The following TANC2 variants were observed in gnomAD, a reference collection of about 807,000 sequenced individuals.
TANC2 encodes the protein tetratricopeptide repeat, ankyrin repeat and coiled-coil containing 2.
In TANC2, 26 loss-of-function variants were observed where a neutral mutation model predicts 210.5. That is an observed-to-expected ratio of 0.12 (90% CI 0.09 to 0.17). TANC2 has a LOEUF of 0.17. Among genes scored for constraint, TANC2 ranks in the 10% least tolerant of loss-of-function variants. The probability of loss-of-function intolerance (pLI) is 1.00; values close to 1 mark genes in which losing one functional copy is unlikely to be tolerated. For synonymous variants in TANC2, 931 were observed against 967.1 expected (o/e 0.96, Z 0.69); for missense variants, 2,129 against 2,608.9 (o/e 0.82, Z 4.01).
rs1470672236 is a variant in TANC2, at chr17:63,337,334, AT to A, written c.1576-2761del. Among the ~76,000 whole-genome samples, 11 of 152,212 alleles carry A rather than the reference AT, an allele frequency of 7.2e-5. No homozygotes were observed. The South Asian group carries it at 2.3e-3, about 32-fold the overall frequency. Reference sequence around the variant, plus strand: ...TGCCTCATACCTTTGTGGATATCATATTTTTTACTATAATTCTAAGTAGTTA... The same window carrying A: ...TGCCTCATACCTTTGTGGATATCATATTTTTACTATAATTCTAAGTAGTTA... On this transcript the variant is annotated intron_variant, in intron 11 of 27. Coordinates refer to ENST00000689528, the Ensembl canonical transcript of TANC2.
intron 17 of TANC2, among the ~76,000 whole-genome samples, chr17:63,392,630 G>A (rs1484735328): frequency 1.3e-5 from 2 of 152,096 alleles, no homozygotes; most frequent in Non-Finnish European, 2.9e-5. Context: ...CTTAGCTTTT[G>A]TAGAGCTTTT....
rs997273973 is a variant in TANC2 at position 63,244,346 on chromosome 17, A to G, written c.1033+6269A>G. On this transcript the variant is annotated intron_variant, in intron 8 of 27. Coordinates refer to ENST00000689528, the Ensembl canonical transcript of TANC2. ...GCTTTGTCTTCAGGATTGTACTGGT[A>G]AAGCCATGTTTCATCCCATTACCAT... 2.6e-5 allele frequency among the ~76,000 whole-genome samples: 4 copies of G among 152,270 alleles called. No homozygotes were observed. In the South Asian group the frequency reaches 8.3e-4, roughly 32 times the overall value.
intron 11 of TANC2, among the ~76,000 whole-genome samples, chr17:63,321,304 A>T (rs2045486011): frequency 6.6e-6 from 1 of 151,848 alleles, no homozygotes; most frequent in Non-Finnish European, 1.5e-5. Flanking sequence ...CCTTTGAGAG[A>T]TTTCTTCAAC....
chr17:62,968,157 C>T (rs1438326632), intron 1 of TANC2, among the ~76,000 whole-genome samples: 1 of 152,150 alleles, frequency 6.6e-6, no homozygotes, highest in Admixed American at 6.5e-5. Context: ...TAACAAAAGA[C>T]AACTCCATGA....
intron 5 of TANC2, among the ~76,000 whole-genome samples, chr17:63,179,678 A>G (rs73323730): frequency 0.025 from 3,763 of 152,116 alleles, 156 homozygotes; most frequent in African/African-American, 0.085. Flanking sequence ...TGAACCTACA[A>G]ATTGTTCCCT....
At chr17:63,326,233 A>T (rs926937801) in intron 11 of TANC2, among the ~76,000 whole-genome samples, 2 of 152,212 alleles carry the variant, frequency 1.3e-5, no homozygotes, top group African/African-American at 4.8e-5. Context: ...ACCCAAGGAC[A>T]TGTGGACACT....
chr17:63,363,310 G>C (rs1297804243), intron 14 of TANC2, among the ~76,000 whole-genome samples: 2 of 152,098 alleles, frequency 1.3e-5, no homozygotes. Context: ...TCTATGGGTT[G>C]TCTCTTCACT....
intron 14 of TANC2, among the ~76,000 whole-genome samples, chr17:63,361,201 C>A (rs2046947826): frequency 6.6e-6 from 1 of 152,140 alleles, no homozygotes. Context: ...GTCACAGGAT[C>A]TTTGGGGTGT....
intron 2 of TANC2, among the ~76,000 whole-genome samples, chr17:63,039,153 A>G (rs2035086782): frequency 6.6e-6 from 1 of 152,142 alleles, no homozygotes; most frequent in African/African-American, 2.4e-5. Context: ...TTCATAAGCT[A>G]TTTATGTGAG....
intron 1 of TANC2, among the ~76,000 whole-genome samples, chr17:63,001,345 A>G (rs1052885530): frequency 2.0e-5 from 3 of 151,960 alleles, no homozygotes; most frequent in Non-Finnish European, 4.4e-5. Flanking sequence ...ATTTAAAATC[A>G]TTTCTCGCTC....
chr17:63,405,821 A>G (rs946480572), intron 20 of TANC2, among the ~76,000 whole-genome samples: 6 of 152,266 alleles, frequency 3.9e-5, no homozygotes, highest in African/African-American at 1.4e-4. Context: ...AACTACAGGC[A>G]GATTTGCAAC....
intron 13 of TANC2, among the ~76,000 whole-genome samples, chr17:63,353,573 G>T (rs934958569): frequency 6.6e-6 from 1 of 152,050 alleles, no homozygotes; most frequent in Admixed American, 6.6e-5. Flanking sequence ...GCCACATATA[G>T]ATAATATTTA....
intron 9 of TANC2, among the ~76,000 whole-genome samples, chr17:63,311,387 A>G (rs115629982): frequency 7.5e-4 from 115 of 152,340 alleles, no homozygotes; most frequent in Middle Eastern, 3.4e-3. Flanking sequence ...AACAGTATAT[A>G]TAGTATGATC....
chr17:63,221,559 G>T (rs1471439222), intron 7 of TANC2, among the ~76,000 whole-genome samples: 1 of 151,938 alleles, frequency 6.6e-6, no homozygotes, highest in Non-Finnish European at 1.5e-5. Context: ...AATCCTCACA[G>T]CTTAATATAA....
intron 9 of TANC2, among the ~76,000 whole-genome samples, chr17:63,286,661 A>G (rs543723639): frequency 1.6e-3 from 243 of 152,228 alleles, no homozygotes; most frequent in African/African-American, 5.6e-3. Flanking sequence ...TCAAATTTGG[A>G]AATTTTGTAG....
At chr17:63,215,543 G>C (rs778291245) in intron 7 of TANC2, among the ~76,000 whole-genome samples, 1 of 152,008 alleles carries the variant, frequency 6.6e-6, no homozygotes, top group Non-Finnish European at 1.5e-5. Context: ...TAGAGATTGA[G>C]TTAATCAACA....
At chr17:63,211,267 C>G (rs1015161494) in intron 7 of TANC2, among the ~76,000 whole-genome samples, 18 of 152,118 alleles carry the variant, frequency 1.2e-4, no homozygotes, top group African/African-American at 4.3e-4. Flanking sequence ...GCCTGTAAGA[C>G]TTATAGGTAA....
intron 11 of TANC2, among the ~76,000 whole-genome samples, chr17:63,336,458 T>G (rs2046031053): frequency 6.6e-6 from 1 of 152,258 alleles, no homozygotes; most frequent in African/African-American, 2.4e-5. Flanking sequence ...GTGACATTTT[T>G]GCTGCCACTC....
intron 2 of TANC2, among the ~76,000 whole-genome samples, chr17:63,018,822 G>C (rs986800419): frequency 1.3e-5 from 2 of 152,156 alleles, no homozygotes; most frequent in African/African-American, 2.4e-5. Context: ...AACCTTTTGG[G>C]ATTGGCTTTT....
Sources: allele counts gnomAD v4.1 joint callset (sites outside exome capture counted in the v4.1 genomes callset), GRCh38; gene constraint gnomAD v4.1.1; transcripts MANE v1.5; gene names NCBI Gene and HGNC (gene_info 2026-07-23, HGNC 2026-07-21).